PPARGC1A: variants seen among roughly 807,000 people sequenced by gnomAD.
The protein encoded by PPARGC1A is PPARG coactivator 1 alpha.
Under a neutral mutation model 88.7 loss-of-function variants are expected in PPARGC1A, and 25 were observed. The observed-to-expected ratio is 0.28, with a 90% CI of 0.21 to 0.39. The LOEUF (loss-of-function observed/expected upper bound fraction) is 0.39, where lower values mean the gene tolerates loss of function less well. Ranked by LOEUF, PPARGC1A falls within the 10% of genes least tolerant of loss-of-function variation. PPARGC1A has a pLI of 1.00. For missense variants in PPARGC1A, 880 were observed against 968.7 expected, an observed-to-expected ratio of 0.91 and a Z score of 1.22; for synonymous variants, 363 against 355.6, an observed-to-expected ratio of 1.02 and a Z score of -0.24.
At chr4:24,053,554 C>T in the PPARGC1A span, among the ~76,000 whole-genome samples, 77,542 of 151,924 alleles carry the variant, frequency 0.51, 21,791 homozygotes, top group Non-Finnish European at 0.64. Context: ...TTTGTGACAA[C>T]TAAAATGGAA....
chr4:24,163,149 C>G, the PPARGC1A span, among the ~76,000 whole-genome samples: 58 of 148,874 alleles, frequency 3.9e-4, no homozygotes, highest in African/African-American at 1.3e-3. Context: ...GAATGCTCCC[C>G]AAGCCCTGTG....
chr4:24,192,118 C>T, the PPARGC1A span, among the ~76,000 whole-genome samples: 3 of 152,180 alleles, frequency 2.0e-5, no homozygotes, highest in Non-Finnish European at 2.9e-5. Flanking sequence ...TTATACTCCT[C>T]TAGTTCTATT....
the PPARGC1A span, among the ~76,000 whole-genome samples, chr4:24,260,664 TG>T: frequency 6.6e-6 from 1 of 152,104 alleles, no homozygotes; most frequent in African/African-American, 2.4e-5. Context: ...GTGGGGCTGC[TG>T]TCACAATCAC....
the PPARGC1A span, among the ~76,000 whole-genome samples, chr4:24,363,925 C>T: frequency 3.3e-5 from 5 of 152,180 alleles, no homozygotes; most frequent in African/African-American, 4.8e-5. Flanking sequence ...ACTTCATCCT[C>T]ATTGTCATTC....
At chr4:24,178,387 A>G in the PPARGC1A span, among the ~76,000 whole-genome samples, 1 of 152,184 alleles carries the variant, frequency 6.6e-6, no homozygotes, top group Non-Finnish European at 1.5e-5. Context: ...GGTATTTTTT[A>G]TTAGCGTTAC....
At chr4:24,123,518 C>T in the PPARGC1A span, among the ~76,000 whole-genome samples, 5 of 151,942 alleles carry the variant, frequency 3.3e-5, no homozygotes, top group Non-Finnish European at 7.4e-5. Context: ...GAGACAAAGC[C>T]CCGATTATCA....
the PPARGC1A span, among the ~76,000 whole-genome samples, chr4:24,009,133 T>TAAAAAAAAAA: frequency 1.3e-5 from 1 of 74,468 alleles, no homozygotes; most frequent in African/African-American, 5.0e-5. Flanking sequence ...CCGCAGTCTA[T>TAAAAAAAAAA]AAAAAAAAAA....
chr4:23,950,731 C>T, the PPARGC1A span, among the ~76,000 whole-genome samples: 1 of 152,058 alleles, frequency 6.6e-6, no homozygotes, highest in African/African-American at 2.4e-5. Flanking sequence ...GAGTGATAAT[C>T]GTGGTTAGTT....
the PPARGC1A span, among the ~76,000 whole-genome samples, chr4:24,446,320 G>A: frequency 6.6e-6 from 1 of 152,156 alleles, no homozygotes; most frequent in Non-Finnish European, 1.5e-5. Context: ...GCATTTCCCT[G>A]ATGATTAGTG....
chr4:24,316,760 G>A, the PPARGC1A span, among the ~76,000 whole-genome samples: 5 of 152,254 alleles, frequency 3.3e-5, no homozygotes, highest in Non-Finnish European at 7.3e-5. Flanking sequence ...AAATGACATC[G>A]CATATGTAAC....
At chr4:23,813,198 C>T in intron 8 of PPARGC1A, 73 bp from the exon 9 acceptor site, 1 of 1,249,032 alleles carries the variant, frequency 8.0e-7, no homozygotes, top group Non-Finnish European at 1.2e-6. Flanking sequence ...CACTGTGGAG[C>T]ATCCTCTGGG....
chr4:24,263,688 G>C, the PPARGC1A span, among the ~76,000 whole-genome samples: 1 of 152,128 alleles, frequency 6.6e-6, no homozygotes, highest in Admixed American at 6.5e-5. Flanking sequence ...AGATGATGAG[G>C]ATGAACACCT....
the PPARGC1A span, among the ~76,000 whole-genome samples, chr4:23,926,536 G>T: frequency 6.6e-6 from 1 of 152,080 alleles, no homozygotes; most frequent in Non-Finnish European, 1.5e-5. Flanking sequence ...TAGAGAAAGC[G>T]CTTGAACATG....
At chr4:23,995,821 T>C in the PPARGC1A span, among the ~76,000 whole-genome samples, 6 of 152,140 alleles carry the variant, frequency 3.9e-5, no homozygotes, top group African/African-American at 1.4e-4. Flanking sequence ...GTTCCTCTAG[T>C]AGACTATAGG....
the PPARGC1A span, among the ~76,000 whole-genome samples, chr4:24,396,625 A>T: frequency 1.2e-4 from 18 of 149,206 alleles, no homozygotes; most frequent in South Asian, 2.1e-4. Context: ...GATGTCTCCC[A>T]TTTTTTTTTT....
the PPARGC1A span, among the ~76,000 whole-genome samples, chr4:23,994,043 G>A: frequency 6.6e-6 from 1 of 152,182 alleles, no homozygotes; most frequent in African/African-American, 2.4e-5. Context: ...TCTAGGTAAT[G>A]TGAATTGGAA....
chr4:24,377,863 T>C, the PPARGC1A span, among the ~76,000 whole-genome samples: 1 of 152,194 alleles, frequency 6.6e-6, no homozygotes, highest in Non-Finnish European at 1.5e-5. Context: ...TGTGGAATAT[T>C]GTTCACAGTT....
chr4:24,027,934 C>T, the PPARGC1A span, among the ~76,000 whole-genome samples: 35 of 152,078 alleles, frequency 2.3e-4, no homozygotes, highest in Non-Finnish European at 7.4e-5. Context: ...ATACTAAGTG[C>T]ATTTTATATA....
chr4:24,054,267 C>T, the PPARGC1A span, among the ~76,000 whole-genome samples: 1 of 145,390 alleles, frequency 6.9e-6, no homozygotes, highest in South Asian at 2.2e-4. Flanking sequence ...GAGGTGGTGT[C>T]TGGGAGGAAG....
Sources: allele counts gnomAD v4.1 joint callset (sites outside exome capture counted in the v4.1 genomes callset), GRCh38; gene constraint gnomAD v4.1.1; transcripts MANE v1.5; gene names NCBI Gene and HGNC (gene_info 2026-07-23, HGNC 2026-07-21).